Variants in RERE observed in about 807,000 individuals in gnomAD.
The protein encoded by RERE is arginine-glutamic acid dipeptide repeats protein.
A neutral mutation model predicts 146.1 loss-of-function variants in RERE; 40 were observed. The ratio of observed to expected loss-of-function variants is 0.27; its 90% CI spans 0.21 to 0.36. RERE has a LOEUF of 0.36. RERE is among the 10% of genes least tolerant of loss of function. RERE has a pLI of 1.00. For synonymous variants in RERE, 1,003 were observed against 866.0 expected, an observed-to-expected ratio of 1.16 and a Z score of -2.78; for missense variants, 1,933 against 2,138.7, an observed-to-expected ratio of 0.90 and a Z score of 1.90.
At chr1:8,788,844 CT>C (rs1641307652) in intron 1 of RERE, among the ~76,000 whole-genome samples, 1 of 151,712 alleles carries the variant, frequency 6.6e-6, no homozygotes, top group African/African-American at 2.4e-5. Context: ...AGCAAAGCCA[CT>C]GACAAGTACA....
At chr1:8,555,934 A>G (rs146715500) in intron 6 of RERE, among the ~76,000 whole-genome samples, 86 of 152,312 alleles carry the variant, frequency 5.6e-4, no homozygotes, top group African/African-American at 1.7e-3. Flanking sequence ...TTTCAGACAT[A>G]CAGAAAATGG....
intron 4 of RERE, among the ~76,000 whole-genome samples, chr1:8,600,046 C>T (rs533691517): frequency 9.1e-4 from 139 of 152,298 alleles, no homozygotes; most frequent in African/African-American, 3.2e-3. Flanking sequence ...ATCACGGCGG[C>T]GGTTTCCCTC....
chr1:8,646,288 T>C (rs1647302377), intron 2 of RERE, among the ~76,000 whole-genome samples: 2 of 152,082 alleles, frequency 1.3e-5, no homozygotes, highest in South Asian at 2.1e-4. Flanking sequence ...CTCAACACTT[T>C]GAGATGCTGA....
chr1:8,643,619 C>T (rs981538373), intron 2 of RERE, among the ~76,000 whole-genome samples: 2 of 152,336 alleles, frequency 1.3e-5, no homozygotes, highest in East Asian at 1.9e-4. Flanking sequence ...AGTGGCTGCA[C>T]GCTGCCAAAG....
chr1:8,655,673 T>C (rs1638263710), intron 2 of RERE, among the ~76,000 whole-genome samples: 2 of 152,268 alleles, frequency 1.3e-5, no homozygotes, highest in Non-Finnish European at 2.9e-5. Context: ...CAAGCATGAA[T>C]TCAAAAGACA....
rs1641569135 is a variant in RERE, at chr1:8,361,261, G to A, written c.2246C>T (p.Pro749Leu). The A allele has an allele frequency of 1.3e-6, 2 of 1,582,900 alleles. No homozygotes were observed. Among genetic ancestry groups the A allele is most frequent in the East Asian group, 2.2e-5 (1 of 44,670 alleles). ...PALQAPTGVT[P>L]APSSAPPGTP... ...CCCTGGAGGAGCTGAGGAGGGAGCT[G>A]GGGTGACCCCAGTGGGAGCCTGCAA... The change falls in exon 18 of 23, where the codon CCA becomes CTA. Residue 749 changes from proline (P) to leucine (L), a missense_variant. Around this residue, in one of 11 missense-constraint regions of RERE, gnomAD observed 1,255 missense variants for 1,153.8 expected, o/e 1.09. Transcript: ENST00000400908.
Position 8,358,401 on chromosome 1 carries a change from TCTCTCC to T in RERE, c.4128_4133del (p.Glu1377_Arg1378del). 1 of 1,606,360 alleles carries T rather than the reference TCTCTCC, an allele frequency of 6.2e-7. No individual in the cohort carries two copies. Among genetic ancestry groups the T allele is most frequent in the Non-Finnish European group, 8.5e-7 (1 of 1,175,274 alleles). On this transcript the variant is annotated inframe_deletion, in exon 20 of 23. Coordinates refer to ENST00000400908, the MANE Select transcript of RERE (RefSeq NM_001042681.2). The stretch of plus-strand genomic sequence containing the variant: ...GCAGCTGGGGGCCCGCCAGGGCCAG[TCTCTCC>T]CTCTCCAAGGGGTTCAGGCCCGGGT...
chr1:8,687,215 T>C (rs901801099), intron 1 of RERE, among the ~76,000 whole-genome samples: 6 of 152,128 alleles, frequency 3.9e-5, no homozygotes, highest in African/African-American at 1.4e-4. Context: ...GAAATTACTA[T>C]GTGAGAGGGC....
intron 22 of RERE, 124 bp downstream of exon 22, chr1:8,355,295 G>T (rs1641245569): frequency 1.7e-6 from 2 of 1,197,512 alleles, no homozygotes; most frequent in Non-Finnish European, 2.4e-6. Flanking sequence ...CATCACCATG[G>T]TTCCACAATG....
In RERE at chr1:8,403,825, CTTTTTTTT is replaced by C. The variant is rs869295197; in HGVS notation, c.1284+18894_1284+18901del. Among the ~76,000 whole-genome samples the C allele has an allele frequency of 2.7e-3, 189 of 70,866 alleles. 2 individuals carry two copies. The highest frequency in any genetic ancestry group is 2.9e-3 in the African/African-American group (50 of 17,006). The allele number at this position is 70,866 out of a possible 152,430, so 46.5% of individuals were successfully genotyped here. A position where few individuals can be genotyped will look rare whatever the true frequency, so the allele number is the denominator to read the frequency against. ...TCTATTTTTCTTAATAAAATCTTAG[CTTTTTTTT>C]TTTTTTTTTTTTTTTGAGATGGGAG... On this transcript the variant is annotated intron_variant, in intron 12 of 22. Transcript: ENST00000400908.
At chr1:8,388,580 A>G (rs1452505636) in intron 12 of RERE, among the ~76,000 whole-genome samples, 3 of 152,120 alleles carry the variant, frequency 2.0e-5, no homozygotes, top group Non-Finnish European at 4.4e-5. Context: ...TGGCCTCCCA[A>G]AGTGCTGGGA....
intron 1 of RERE, among the ~76,000 whole-genome samples, chr1:8,813,614 CTTTT>C (rs34918730): frequency 5.8e-5 from 7 of 121,148 alleles, no homozygotes; most frequent in Admixed American, 8.9e-5. Flanking sequence ...CTATTTTTTC[CTTTT>C]TTTTTTTTTT....
intron 1 of RERE, among the ~76,000 whole-genome samples, chr1:8,754,237 C>A (rs972767579): frequency 6.8e-6 from 1 of 148,088 alleles, no homozygotes; most frequent in African/African-American, 2.5e-5. Context: ...CTTTTTTAAT[C>A]AGCAGCATCG....
intron 1 of RERE, among the ~76,000 whole-genome samples, chr1:8,671,484 G>A (rs1375386513): frequency 6.6e-6 from 1 of 152,152 alleles, no homozygotes; most frequent in Non-Finnish European, 1.5e-5. Flanking sequence ...CACATAGGAT[G>A]GAAACACCTC....
At chr1:8,528,962 C>A (rs1224106935) in intron 7 of RERE, among the ~76,000 whole-genome samples, 16 of 152,202 alleles carry the variant, frequency 1.1e-4, no homozygotes, top group Non-Finnish European at 1.0e-4. Flanking sequence ...GAATTTTCCA[C>A]TTGTGGCATC....
At chr1:8,588,005 A>C (rs558900596) in intron 4 of RERE, among the ~76,000 whole-genome samples, 1 of 152,256 alleles carries the variant, frequency 6.6e-6, no homozygotes, top group African/African-American at 2.4e-5. Context: ...TATCTTACTC[A>C]TATTCTTACA....
chr1:8,601,700 G>A (rs180698740), intron 4 of RERE, among the ~76,000 whole-genome samples: 4 of 127,890 alleles, frequency 3.1e-5, no homozygotes, highest in East Asian at 2.3e-4. Context: ...TTTGGATTGA[G>A]ATACCTTAAT....
chr1:8,354,999 G>A lies in RERE; in HGVS notation c.*88C>T. 9.7e-7 allele frequency: 1 copy of A among 1,033,148 alleles called. No homozygotes were observed. Among genetic ancestry groups the A allele is most frequent in the Non-Finnish European group, 1.5e-6 (1 of 678,310 alleles). 64.0% of individuals were successfully genotyped at this position (1,033,148 alleles called of 1,614,324 possible). On this transcript the variant is annotated 3_prime_UTR_variant, in exon 23 of 23. Transcript: ENST00000400908. ...GAAATCTTTAGAAGATATTCTTTTTGCTTTTGCAGCTCCTATTTTATGTAA... is the reference window on the plus strand; with the variant it reads ...GAAATCTTTAGAAGATATTCTTTTTACTTTTGCAGCTCCTATTTTATGTAA...
intron 1 of RERE, among the ~76,000 whole-genome samples, chr1:8,797,418 A>G (rs916147548): frequency 2.6e-5 from 4 of 151,896 alleles, no homozygotes; most frequent in African/African-American, 9.7e-5. Flanking sequence ...AGAAAGATAC[A>G]CGCCAGATCA....
Sources: gnomAD v4.1 joint callset for allele counts (sites outside exome capture counted in the v4.1 genomes callset) on GRCh38, gnomAD v4.1.1 for gene constraint, gnomAD v4.1.1 regional missense constraint, MANE v1.5 for transcripts, NCBI Gene and HGNC (gene_info 2026-07-23, HGNC 2026-07-21) for gene names.